PSPH: variants seen among roughly 807,000 people sequenced by gnomAD.
The protein encoded by PSPH is phosphoserine phosphatase.
Under a neutral mutation model 23.4 loss-of-function variants are expected in PSPH, and 16 were observed. That is an observed-to-expected ratio of 0.68 (90% confidence interval 0.46 to 1.04). PSPH has a LOEUF of 1.04. PSPH is among the 50% of genes least tolerant of loss of function. PSPH has a pLI of 0.00. For missense variants in PSPH, 223 were observed against 273.7 expected (o/e 0.81, Z 1.31); for synonymous variants, 68 against 99.7 (o/e 0.68, Z 1.89).
chr7:56,048,487 G>T (rs936353790), intron 1 of PSPH, among the ~76,000 whole-genome samples: 1 of 152,142 alleles, frequency 6.6e-6, no homozygotes, highest in African/African-American at 2.4e-5. Flanking sequence ...GCCAGAGATA[G>T]AAGATTCATG....
At chr7:56,026,994 T>C (rs1002884806) in intron 3 of PSPH, among the ~76,000 whole-genome samples, 2 of 148,428 alleles carry the variant, frequency 1.3e-5, no homozygotes, top group African/African-American at 2.5e-5. Context: ...TCACCTGAGG[T>C]TGGGAGTTCG....
chr7:56,017,075 G>T (rs1788657432), intron 6 of PSPH, among the ~76,000 whole-genome samples, 159 bp downstream of exon 6: 1 of 152,140 alleles, frequency 6.6e-6, no homozygotes, highest in Non-Finnish European at 1.5e-5. Flanking sequence ...ATTTTGCTGA[G>T]CAAAGGGTAC....
chr7:56,025,704 C>T (rs1467713129), intron 3 of PSPH, among the ~76,000 whole-genome samples: 1 of 152,138 alleles, frequency 6.6e-6, no homozygotes, highest in African/African-American at 2.4e-5. Context: ...AGCAATTCTC[C>T]TCCCTCAGCG....
At chr7:56,047,388 C>CAA (rs112157741) in intron 1 of PSPH, among the ~76,000 whole-genome samples, 1 of 80,536 alleles carries the variant, frequency 1.2e-5, no homozygotes, top group Admixed American at 1.3e-4. Flanking sequence ...GACCCTGTCT[C>CAA]AAAAAAAAAA....
At chr7:56,036,534 C>T (rs1157865732) in intron 1 of PSPH, among the ~76,000 whole-genome samples, 1 of 151,922 alleles carries the variant, frequency 6.6e-6, no homozygotes, top group Non-Finnish European at 1.5e-5. Flanking sequence ...GAGGCTGAGG[C>T]GGGAGGATCA....
intron 7 of PSPH, 148 bp downstream of exon 7, chr7:56,014,875 G>C (rs1293639731): frequency 2.6e-6 from 2 of 763,562 alleles, no homozygotes; most frequent in East Asian, 3.1e-5. Flanking sequence ...CCCAGGAGGC[G>C]GATATTGCAG....
chr7:56,049,136 G>T (rs543009361), intron 1 of PSPH, among the ~76,000 whole-genome samples: 25 of 151,716 alleles, frequency 1.6e-4, no homozygotes, highest in Admixed American at 6.6e-4. Flanking sequence ...GTGTTAGCCA[G>T]GATAGTGTCG....
chr7:56,037,562 G>GT (rs1455631026), intron 1 of PSPH, among the ~76,000 whole-genome samples: 1 of 152,012 alleles, frequency 6.6e-6, no homozygotes, highest in Non-Finnish European at 1.5e-5. Context: ...TGGACCACAG[G>GT]TGTGTGCCAC....
intron 5 of PSPH, among the ~76,000 whole-genome samples, chr7:56,017,660 C>T (rs1468317722): frequency 6.3e-5 from 9 of 143,202 alleles, no homozygotes; most frequent in Admixed American, 7.1e-5. Flanking sequence ...AGCGATTCTC[C>T]TCCTTCAGCC....
At chr7:56,024,108 T>G (rs907652414) in intron 3 of PSPH, among the ~76,000 whole-genome samples, 1 of 151,538 alleles carries the variant, frequency 6.6e-6, no homozygotes, top group African/African-American at 2.4e-5. Context: ...TTTGTATTTT[T>G]AGTAGAGACG....
chr7:56,021,915 A>C (rs1218836364), intron 3 of PSPH, among the ~76,000 whole-genome samples: 1 of 141,678 alleles, frequency 7.1e-6, no homozygotes, highest in African/African-American at 2.6e-5. Flanking sequence ...GCGCCACTGC[A>C]CTCCAGCCTG....
Position 56,015,120 on chromosome 7 carries a change from T to C in PSPH, c.473A>G (p.Lys158Arg). ...ETQPTAESGG[K>R]GKVIKLLKEK... ...CTTTAAAAGTTTAATCACTTTTCCT[T>C]TTCCACCAGATTCAGCTGTTGGCTG... The change falls in exon 7 of 8, where the codon AAA becomes AGA. Residue 158 changes from lysine (K) to arginine (R), a missense_variant. Coordinates refer to ENST00000275605, the MANE Select transcript of PSPH (RefSeq NM_004577.4). 6.2e-7 allele frequency: 1 copy of C among 1,614,112 alleles called. No homozygotes were observed. The highest frequency in any genetic ancestry group is 8.5e-7 in the Non-Finnish European group (1 of 1,180,010).
rs1584364632 is a variant in PSPH at position 56,011,940 on chromosome 7, C to T, written c.571-71G>A. The T allele has an allele frequency of 4.7e-6, 6 of 1,265,542 alleles. No homozygotes were observed. In the East Asian group the frequency reaches 1.6e-4, roughly 33 times the overall value. 78.4% of individuals were successfully genotyped at this position (1,265,542 alleles called of 1,614,324 possible). ...TTTATTTATTTTTTGGAGTCTCGCT[C>T]TGTCACCCAGGCTGGAGTGCAGTGA... On this transcript the variant is annotated intron_variant, in intron 7 of 7. Coordinates refer to ENST00000275605, the MANE Select transcript of PSPH (RefSeq NM_004577.4).
intron 4 of PSPH, among the ~76,000 whole-genome samples, chr7:56,020,497 C>A (rs776613361): frequency 6.6e-6 from 1 of 151,612 alleles, no homozygotes; most frequent in African/African-American, 2.4e-5. Context: ...TGGTGGCATG[C>A]GCCTGTAATC....
intron 7 of PSPH, among the ~76,000 whole-genome samples, chr7:56,014,000 G>T (rs1380774112): frequency 1.3e-5 from 2 of 151,964 alleles, no homozygotes; most frequent in Non-Finnish European, 2.9e-5. Context: ...GTGGTGGAAT[G>T]CGTCTGTGGT....
At chr7:56,023,952 A>C (rs1384760459) in intron 3 of PSPH, among the ~76,000 whole-genome samples, 11 of 151,788 alleles carry the variant, frequency 7.2e-5, no homozygotes, top group Middle Eastern at 3.4e-3. Flanking sequence ...TTTGAGACAG[A>C]GTCTGGCTCT....
chr7:56,016,403 C>A (rs1276785798), intron 6 of PSPH, among the ~76,000 whole-genome samples: 1,004 of 84,726 alleles, frequency 0.012, no homozygotes, highest in Middle Eastern at 0.025. Flanking sequence ...GACCCTGTCT[C>A]AAAAAAAAAA....
intron 1 of PSPH, among the ~76,000 whole-genome samples, chr7:56,036,102 G>A (rs954361964): frequency 6.6e-6 from 1 of 151,874 alleles, no homozygotes; most frequent in Non-Finnish European, 1.5e-5. Context: ...GGTGGTGCAT[G>A]GATAATCCCA....
intron 3 of PSPH, among the ~76,000 whole-genome samples, chr7:56,021,665 G>A (rs1408096585): frequency 1.3e-5 from 2 of 150,654 alleles, no homozygotes; most frequent in African/African-American, 4.9e-5. Context: ...GCGGAGGTGT[G>A]AGGCCGGGCG....
Sources: gnomAD v4.1 joint callset for allele counts (sites outside exome capture counted in the v4.1 genomes callset) on GRCh38, gnomAD v4.1.1 for gene constraint, MANE v1.5 for transcripts, NCBI Gene and HGNC (gene_info 2026-07-23, HGNC 2026-07-21) for gene names.